The following RBM27 variants were observed in gnomAD, a reference collection of about 807,000 sequenced individuals.
RBM27 encodes the protein RNA-binding protein 27.
In RBM27, 22 loss-of-function variants were observed where a neutral mutation model predicts 135.3. The observed-to-expected ratio is 0.16, with a 90% CI of 0.12 to 0.23. The LOEUF (loss-of-function observed/expected upper bound fraction) is 0.23. RBM27 is among the 10% of genes least tolerant of loss of function. The probability of loss-of-function intolerance (pLI) is 1.00; values close to 1 mark genes in which losing one functional copy is unlikely to be tolerated. For synonymous variants in RBM27, 481 were observed against 442.4 expected, an observed-to-expected ratio of 1.09 and a Z score of -1.10; for missense variants, 1,009 against 1,281.0, an observed-to-expected ratio of 0.79 and a Z score of 3.24.
chr5:146,240,603 G>A (rs140867063), intron 8 of RBM27, among the ~76,000 whole-genome samples: 2 of 152,050 alleles, frequency 1.3e-5, no homozygotes, highest in Admixed American at 6.6e-5. Flanking sequence ...CTGGGATTAC[G>A]GGCATGAACC....
At chr5:146,264,367 G>T (rs887712713) in intron 14 of RBM27, among the ~76,000 whole-genome samples, 6 of 151,902 alleles carry the variant, frequency 3.9e-5, no homozygotes, top group African/African-American at 1.5e-4. Flanking sequence ...ATTTTTAGTG[G>T]AGATGGGGTT....
At chr5:146,233,428 T>C (rs1464601152) in intron 6 of RBM27, 22 bp from the exon 7 acceptor site, 1 of 1,508,230 alleles carries the variant, frequency 6.6e-7, no homozygotes, top group African/African-American at 1.4e-5. Context: ...ATAAGATTCT[T>C]TTTTTATTCT....
At chr5:146,282,036 CT>C (rs1284326328) in intron 19 of RBM27, among the ~76,000 whole-genome samples, 1 of 126,974 alleles carries the variant, frequency 7.9e-6, no homozygotes, top group African/African-American at 3.0e-5. Flanking sequence ...TGGAGTCTCA[CT>C]CTGTTGCCCA....
intron 19 of RBM27, among the ~76,000 whole-genome samples, chr5:146,280,620 T>C (rs1759301467): frequency 6.6e-6 from 1 of 152,154 alleles, no homozygotes; most frequent in South Asian, 2.1e-4. Context: ...CTTTATACAG[T>C]CAATCCTTAT....
intron 8 of RBM27, 76 bp downstream of exon 8, chr5:146,237,508 A>G: frequency 4.2e-6 from 6 of 1,434,982 alleles, no homozygotes; most frequent in Non-Finnish European, 5.8e-6. Flanking sequence ...ATAACCCTTT[A>G]AAAAATGGTA....
intron 10 of RBM27, among the ~76,000 whole-genome samples, chr5:146,257,774 A>G (rs578059302): frequency 1.3e-5 from 2 of 152,004 alleles, no homozygotes; most frequent in South Asian, 2.1e-4. Context: ...GATTGCTTGT[A>G]TAAGGTGATC....
intron 3 of RBM27, among the ~76,000 whole-genome samples, chr5:146,228,606 TTTTG>T (rs199697584): frequency 0.01 from 1,593 of 151,976 alleles, 31 homozygotes; most frequent in African/African-American, 0.037. Context: ...TTATTTTGTT[TTTTG>T]TTTGTTTTTG....
At chr5:146,252,424 G>A (rs568209341) in intron 9 of RBM27, among the ~76,000 whole-genome samples, 4 of 152,072 alleles carry the variant, frequency 2.6e-5, no homozygotes, top group Non-Finnish European at 5.9e-5. Flanking sequence ...TTTGCCTTTG[G>A]ATCTTATTCT....
intron 3 of RBM27, 95 bp from the exon 4 acceptor site, chr5:146,228,851 A>C (rs558402203): frequency 1.2e-6 from 1 of 845,102 alleles, no homozygotes; most frequent in Non-Finnish European, 1.9e-6. Flanking sequence ...GGCCTCAAGC[A>C]GTCTTCCCAC....
chr5:146,283,127 AAAT>A (rs1200688255), intron 19 of RBM27, among the ~76,000 whole-genome samples: 1 of 152,184 alleles, frequency 6.6e-6, no homozygotes, highest in Non-Finnish European at 1.5e-5. Flanking sequence ...TTAGAAATTC[AAAT>A]AATAAAGAAA....
chr5:146,231,165 G>A (rs1756913983), intron 6 of RBM27, among the ~76,000 whole-genome samples: 1 of 151,930 alleles, frequency 6.6e-6, no homozygotes, highest in Non-Finnish European at 1.5e-5. Flanking sequence ...TCCCAGGTAG[G>A]CACCAACTCA....
At chr5:146,230,195 G>A (rs1756869400) in intron 5 of RBM27, among the ~76,000 whole-genome samples, 1 of 152,104 alleles carries the variant, frequency 6.6e-6, no homozygotes. Context: ...AATCAATAAA[G>A]CTATCACGTG....
chr5:146,254,586 C>A (rs1294406811), intron 9 of RBM27, among the ~76,000 whole-genome samples: 1 of 151,482 alleles, frequency 6.6e-6, no homozygotes. Flanking sequence ...AAAACCAGTA[C>A]AATAATTAAA....
At position 146,229,684 on chromosome 5, in the gene RBM27, C is replaced by T; in HGVS notation, c.396-33C>T. On this transcript the variant is annotated intron_variant, in intron 4 of 20. Coordinates refer to ENST00000265271, the MANE Select transcript of RBM27 (RefSeq NM_018989.2). Reference sequence around the variant, plus strand: ...TTGTTTGCAGACTTGGTTTCTATAGCCTGCATATGGCTTTTATATCTGTAT... The same window carrying T: ...TTGTTTGCAGACTTGGTTTCTATAGTCTGCATATGGCTTTTATATCTGTAT... 5 of 1,521,678 alleles carry T rather than the reference C, an allele frequency of 3.3e-6. No homozygotes were observed. In the South Asian group the frequency reaches 4.6e-5, roughly 14 times the overall value. 94.3% of individuals were successfully genotyped at this position (1,521,678 alleles called of 1,614,324 possible).
intron 19 of RBM27, among the ~76,000 whole-genome samples, chr5:146,282,859 A>G (rs1418803058): frequency 1.3e-5 from 2 of 152,216 alleles, no homozygotes; most frequent in African/African-American, 4.8e-5. Context: ...CTAACTTGGT[A>G]GCGTCATAAT....
chr5:146,214,391 T>C (rs1756102924), intron 1 of RBM27, among the ~76,000 whole-genome samples: 1 of 152,190 alleles, frequency 6.6e-6, no homozygotes, highest in African/African-American at 2.4e-5. Context: ...CTAAAAGATT[T>C]TAAGTACTCT....
At position 146,288,629 on chromosome 5, in the gene RBM27, A is replaced by G. The variant is rs763972862; in HGVS notation, c.*2599A>G. The G allele has an allele frequency of 3.2e-4, 48 of 152,132 alleles. No homozygotes were observed. Among genetic ancestry groups the G allele is most frequent in the Non-Finnish European group, 2.8e-4 (19 of 67,960 alleles). 9.4% of individuals were successfully genotyped at this position (152,132 alleles called of 1,614,324 possible). A position where few individuals can be genotyped will look rare whatever the true frequency, so the allele number is the denominator to read the frequency against. On this transcript the variant is annotated 3_prime_UTR_variant, in exon 21 of 21. Coordinates refer to ENST00000265271, the MANE Select transcript of RBM27 (RefSeq NM_018989.2). Reference sequence around the variant, plus strand: ...TTCATTTACAGAAATAACATACAGCATCTAAAGCAAGTTCTGTCCCTCTTA... The same window carrying G: ...TTCATTTACAGAAATAACATACAGCGTCTAAAGCAAGTTCTGTCCCTCTTA...
At chr5:146,221,016 G>A (rs1252903339) in intron 2 of RBM27, among the ~76,000 whole-genome samples, 2 of 151,928 alleles carry the variant, frequency 1.3e-5, no homozygotes, top group Admixed American at 6.6e-5. Context: ...AGGAGATTGA[G>A]ACCATCCTGG....
intron 1 of RBM27, among the ~76,000 whole-genome samples, chr5:146,209,016 T>C (rs1359593884): frequency 1.3e-5 from 2 of 152,182 alleles, no homozygotes; most frequent in East Asian, 3.8e-4. Context: ...TAATTTCTAG[T>C]TCCGTATCTA....
Sources: gnomAD v4.1 joint callset for allele counts (sites outside exome capture counted in the v4.1 genomes callset) on GRCh38, gnomAD v4.1.1 for gene constraint, MANE v1.5 for transcripts, NCBI Gene and HGNC (gene_info 2026-07-23, HGNC 2026-07-21) for gene names.